Variants in ZNF804B observed in about 807,000 individuals in gnomAD.
ZNF804B encodes the protein zinc finger protein 804B.
ZNF804B carries 80 observed loss-of-function variants against 101.4 expected under a neutral mutation model. That is an observed-to-expected ratio of 0.79 (90% CI 0.66 to 0.95). The LOEUF is 0.95. Among genes scored for constraint, ZNF804B ranks in the 40% least tolerant of loss-of-function variants. The pLI is 0.00. For synonymous variants in ZNF804B, 622 were observed against 558.8 expected (o/e 1.11, Z -1.59); for missense variants, 1,673 against 1,561.9 (o/e 1.07, Z -1.20).
intron 1 of ZNF804B, among the ~76,000 whole-genome samples, chr7:88,827,674 T>C (rs1791069490): frequency 1.3e-5 from 2 of 152,082 alleles, no homozygotes; most frequent in South Asian, 4.1e-4. Context: ...CTAATTTATT[T>C]ATCCATTGCC....
At chr7:89,325,575 CAAAAAT>C (rs982880817) in intron 2 of ZNF804B, among the ~76,000 whole-genome samples, 7 of 151,732 alleles carry the variant, frequency 4.6e-5, no homozygotes, top group African/African-American at 1.7e-4. Flanking sequence ...TTCTGTAACT[CAAAAAT>C]AAAAGTATAG....
chr7:89,267,906 T>C (rs1032218081), intron 2 of ZNF804B, among the ~76,000 whole-genome samples: 4 of 152,130 alleles, frequency 2.6e-5, no homozygotes, highest in Non-Finnish European at 5.9e-5. Flanking sequence ...TGTCTGGTGA[T>C]AGGTAGCTGA....
At chr7:89,055,532 G>A (rs1227081961) in intron 1 of ZNF804B, among the ~76,000 whole-genome samples, 1 of 151,940 alleles carries the variant, frequency 6.6e-6, no homozygotes, top group African/African-American at 2.4e-5. Context: ...GGGATGGAAG[G>A]TTAATCACAT....
intron 1 of ZNF804B, among the ~76,000 whole-genome samples, chr7:89,017,499 G>C (rs1357758935): frequency 6.6e-6 from 1 of 151,902 alleles, no homozygotes; most frequent in Non-Finnish European, 1.5e-5. Flanking sequence ...TGGCTATTTG[G>C]GATTTTTATG....
intron 1 of ZNF804B, among the ~76,000 whole-genome samples, chr7:88,800,696 G>GTGTGTGTGTA (rs1790565447): frequency 4.1e-5 from 1 of 24,288 alleles, no homozygotes; most frequent in Non-Finnish European, 6.8e-5. Context: ...TATGATTTGT[G>GTGTGTGTGTA]TGTGTGTGTG....
At chr7:89,260,070 C>T (rs1789688152) in intron 2 of ZNF804B, among the ~76,000 whole-genome samples, 1 of 152,130 alleles carries the variant, frequency 6.6e-6, no homozygotes, top group Non-Finnish European at 1.5e-5. Context: ...GCAAGAAAGG[C>T]AGCCCCTTAC....
At chr7:88,926,930 G>T (rs1178193845) in intron 1 of ZNF804B, among the ~76,000 whole-genome samples, 2 of 104,978 alleles carry the variant, frequency 1.9e-5, no homozygotes, top group African/African-American at 5.6e-5. Context: ...GATGTCTGCC[G>T]GGTGGTGGGG....
intron 2 of ZNF804B, among the ~76,000 whole-genome samples, chr7:89,285,255 G>A (rs1475680251): frequency 1.3e-5 from 2 of 151,762 alleles, no homozygotes; most frequent in African/African-American, 4.8e-5. Flanking sequence ...GGGCACGGTG[G>A]CTCACGCCTG....
intron 1 of ZNF804B, among the ~76,000 whole-genome samples, chr7:89,140,314 G>A (rs991325917): frequency 3.9e-5 from 6 of 152,008 alleles, no homozygotes; most frequent in African/African-American, 1.4e-4. Flanking sequence ...GAATGGTAAA[G>A]GTGCATTGGC....
chr7:89,089,375 T>C (rs1443493784), intron 1 of ZNF804B, among the ~76,000 whole-genome samples: 2 of 152,006 alleles, frequency 1.3e-5, no homozygotes, highest in Non-Finnish European at 2.9e-5. Context: ...TTTTTCCCAT[T>C]TCTCTGAATA....
chr7:88,762,739 A>G (rs1366637001), intron 1 of ZNF804B, among the ~76,000 whole-genome samples: 1 of 151,958 alleles, frequency 6.6e-6, no homozygotes, highest in Non-Finnish European at 1.5e-5. Context: ...GAATGACCTA[A>G]AATTGACCTT....
chr7:88,945,163 C>T (rs1383590867), intron 1 of ZNF804B, among the ~76,000 whole-genome samples: 2 of 152,042 alleles, frequency 1.3e-5, no homozygotes, highest in Non-Finnish European at 2.9e-5. Flanking sequence ...AGTCTTTGCA[C>T]ATGTCTATGT....
At chr7:88,837,273 C>T (rs1452564699) in intron 1 of ZNF804B, among the ~76,000 whole-genome samples, 2 of 151,812 alleles carry the variant, frequency 1.3e-5, no homozygotes, top group African/African-American at 4.8e-5. Flanking sequence ...AACTTCAAGA[C>T]AAAATAAGTG....
chr7:89,301,761 C>T (rs1407765417), intron 2 of ZNF804B, among the ~76,000 whole-genome samples: 1 of 151,752 alleles, frequency 6.6e-6, no homozygotes, highest in African/African-American at 2.4e-5. Context: ...AGAATTCTGC[C>T]TCTGTCACTT....
chr7:89,061,729 C>T (rs1789383372), intron 1 of ZNF804B, among the ~76,000 whole-genome samples: 2 of 152,118 alleles, frequency 1.3e-5, no homozygotes, highest in South Asian at 4.1e-4. Context: ...AAAATGCTCA[C>T]ATCAGTGTCT....
At chr7:89,110,058 T>G (rs2189061) in intron 1 of ZNF804B, among the ~76,000 whole-genome samples, 122,832 of 152,034 alleles carry the variant, frequency 0.81, 50,122 homozygotes, top group African/African-American at 0.93. Context: ...CAGCAGATGA[T>G]AAAACCAGTG....
At chr7:89,034,457 G>T (rs1293140619) in intron 1 of ZNF804B, among the ~76,000 whole-genome samples, 1 of 151,638 alleles carries the variant, frequency 6.6e-6, no homozygotes, top group Non-Finnish European at 1.5e-5. Flanking sequence ...CTGTCCATGT[G>T]TTCTCATTGT....
In ZNF804B at chr7:89,336,750, C is replaced by T. The variant is rs774528995; in HGVS notation, c.3768C>T (p.Ile1256=). The change falls in exon 4 of 4, where the codon ATC becomes ATT. Residue 1256 remains isoleucine (I), a synonymous_variant. Coordinates refer to ENST00000333190, the MANE Select transcript of ZNF804B (RefSeq NM_181646.5). ...ISFSTLTPTI[I]PAHPTFLAGH... is the part of the protein sequence containing the mutation. ...TTTCGACTCTGACTCCAACCATTAT[C>T]CCTGCACACCCCACTTTCTTAGCAG... The T allele has an allele frequency of 6.2e-6, 10 of 1,614,124 alleles. No homozygotes were observed.
intron 1 of ZNF804B, among the ~76,000 whole-genome samples, chr7:88,771,416 G>T (rs373418900): frequency 6.6e-6 from 1 of 151,918 alleles, no homozygotes; most frequent in African/African-American, 2.4e-5. Flanking sequence ...TTGATGCCAC[G>T]AATGTGAACA....
Sources: gnomAD v4.1 joint callset for allele counts (sites outside exome capture counted in the v4.1 genomes callset) on GRCh38, gnomAD v4.1.1 for gene constraint, MANE v1.5 for transcripts, NCBI Gene and HGNC (gene_info 2026-07-23, HGNC 2026-07-21) for gene names.